ATP6V1E2: variants seen among roughly 807,000 people sequenced by gnomAD.
ATP6V1E2 encodes the protein ATPase H+ transporting V1 subunit E2, also known as V-type proton ATPase subunit E 2.
For synonymous variants in ATP6V1E2, 121 were observed against 104.2 expected (o/e 1.16, Z -0.98); for missense variants, 308 against 273.3 (o/e 1.13, Z -0.90).
intron 4 of ATP6V1E2, among the ~76,000 whole-genome samples, chr2:46,523,418 T>A (rs1426217913): frequency 1.3e-5 from 2 of 152,222 alleles, no homozygotes; most frequent in African/African-American, 4.8e-5. Flanking sequence ...TTACATAAGG[T>A]GTAAGGAAGG....
intron 4 of ATP6V1E2, among the ~76,000 whole-genome samples, chr2:46,518,653 T>C (rs1666431014): frequency 6.6e-6 from 1 of 152,150 alleles, no homozygotes; most frequent in Admixed American, 6.5e-5. Context: ...GAAAATTTAT[T>C]TGGGCCATCC....
chr2:46,539,094 C>T (rs1667591859), intron 2 of ATP6V1E2, among the ~76,000 whole-genome samples: 1 of 152,222 alleles, frequency 6.6e-6, no homozygotes, highest in Admixed American at 6.5e-5. Flanking sequence ...TCCAAGATTA[C>T]AGAGATTACA....
At chr2:46,533,829 G>A (rs1667308816) in intron 4 of ATP6V1E2, among the ~76,000 whole-genome samples, 1 of 152,078 alleles carries the variant, frequency 6.6e-6, no homozygotes, top group Admixed American at 6.6e-5. Context: ...TATTTCTGGT[G>A]GATATAGAAT....
At chr2:46,523,465 T>C (rs944150031) in intron 4 of ATP6V1E2, among the ~76,000 whole-genome samples, 1 of 152,236 alleles carries the variant, frequency 6.6e-6, no homozygotes, top group Non-Finnish European at 1.5e-5. Flanking sequence ...GCTAGTCAGT[T>C]TTCCCAGCAT....
At chr2:46,517,085 T>C (rs958612723) in intron 4 of ATP6V1E2, among the ~76,000 whole-genome samples, 1 of 152,204 alleles carries the variant, frequency 6.6e-6, no homozygotes, top group Non-Finnish European at 1.5e-5. Context: ...CTTCAACATA[T>C]ACTACGAAGT....
At chr2:46,522,529 A>G (rs1272432670) in intron 4 of ATP6V1E2, among the ~76,000 whole-genome samples, 1 of 152,136 alleles carries the variant, frequency 6.6e-6, no homozygotes, top group Non-Finnish European at 1.5e-5. Context: ...GCTGAGGATG[A>G]TGGCTTCCAG....
At position 46,512,384 on chromosome 2, in the gene ATP6V1E2, C is replaced by A; in HGVS notation, c.328G>T (p.Glu110Ter). The change falls in exon 5 of 5, where the codon GAG (glutamate) becomes TAG (stop). Residue 110 changes from glutamate to a stop codon, truncating the protein, a stop_gained. Coordinates refer to ENST00000522587, the MANE Select transcript of ATP6V1E2 (RefSeq NM_001318063.2). LOFTEE classifies it low-confidence loss of function (END_TRUNC). ...LRLSRIVEDP[E>*]VYQGLLDKLV... Reference sequence around the variant, plus strand: ...TTATCCAGCAGCCCCTGGTAGACCTCTGGGTCCTCCACAATCCTGCTGAGT... The same window carrying A: ...TTATCCAGCAGCCCCTGGTAGACCTATGGGTCCTCCACAATCCTGCTGAGT... 6.2e-7 allele frequency: 1 copy of A among 1,614,168 alleles called. No homozygotes were observed. The highest frequency in any genetic ancestry group is 1.3e-5 in the African/African-American group (1 of 75,028).
chr2:46,525,471 A>G (rs1259677910), intron 4 of ATP6V1E2, among the ~76,000 whole-genome samples: 1 of 125,900 alleles, frequency 7.9e-6, no homozygotes, highest in Non-Finnish European at 1.6e-5. Flanking sequence ...CAAAAAAAAA[A>G]AAAAAGAAAA....
chr2:46,523,384 C>A (rs971171871), intron 4 of ATP6V1E2, among the ~76,000 whole-genome samples: 2 of 152,138 alleles, frequency 1.3e-5, no homozygotes, highest in African/African-American at 2.4e-5. Context: ...ACATTTAAGT[C>A]TTTAATCCAT....
chr2:46,519,505 C>A (rs1259175216), intron 4 of ATP6V1E2: 1 of 152,314 alleles, frequency 6.6e-6, no homozygotes, highest in Non-Finnish European at 1.5e-5. Context: ...CCAGACAGGG[C>A]CTAATGGGCA....
chr2:46,528,683 A>G (rs1253186777), intron 4 of ATP6V1E2, among the ~76,000 whole-genome samples: 1 of 152,234 alleles, frequency 6.6e-6, no homozygotes, highest in Non-Finnish European at 1.5e-5. Flanking sequence ...TTCAGACCCC[A>G]GTCCTGATGC....
chr2:46,516,361 C>G (rs1687710266), intron 4 of ATP6V1E2, among the ~76,000 whole-genome samples: 1 of 152,172 alleles, frequency 6.6e-6, no homozygotes, highest in Non-Finnish European at 1.5e-5. Context: ...AACCGGAAAT[C>G]AATAGCTGAA....
At chr2:46,527,091 G>C (rs890745372) in intron 4 of ATP6V1E2, among the ~76,000 whole-genome samples, 2 of 152,076 alleles carry the variant, frequency 1.3e-5, no homozygotes, top group African/African-American at 4.8e-5. Context: ...TCTTGGCTCT[G>C]TTGCCCAGGT....
intron 4 of ATP6V1E2, among the ~76,000 whole-genome samples, chr2:46,533,754 T>C (rs1242162584): frequency 1.3e-5 from 2 of 152,206 alleles, no homozygotes; most frequent in Non-Finnish European, 2.9e-5. Context: ...GATCTTCTGG[T>C]TTAAAAAAAA....
Position 46,512,159 on chromosome 2 carries a change from T to C in ATP6V1E2, c.553A>G (p.Ser185Gly). ...GAAACCTTTATTCTCTGATTGCCAC[T>C]GTAGACCTCCACACCTCCAGCTGCA... ...VNAAGGVEVY[S>G]GNQRIKVSNT... Residue 185 changes from serine (S) to glycine (G), a missense_variant, in exon 5 of 5, where the codon AGT (serine) becomes GGT (glycine). By Grantham distance (56) the Ser-to-Gly change is moderately conservative. Transcript: ENST00000522587. 1 of 1,614,220 alleles carries C rather than the reference T, an allele frequency of 6.2e-7. No homozygotes were observed. Among genetic ancestry groups the C allele is most frequent in the Non-Finnish European group, 8.5e-7 (1 of 1,180,028 alleles).
chr2:46,525,341 A>G (rs1666849875), intron 4 of ATP6V1E2, among the ~76,000 whole-genome samples: 1 of 151,906 alleles, frequency 6.6e-6, no homozygotes, highest in Non-Finnish European at 1.5e-5. Flanking sequence ...GGGCGCCTGT[A>G]GTCCCAGCTA....
chr2:46,542,541 G>C lies in ATP6V1E2; in HGVS notation c.-698C>G, dbSNP rs1041149607. ...CCCTCGCAGGGAGTGGGGCTCGGGT[G>C]CGCCGGCAGGGCCGCGCGGCGGCAG... On this transcript the variant is annotated 5_prime_UTR_variant, in exon 1 of 5. Coordinates refer to ENST00000522587, the MANE Select transcript of ATP6V1E2 (RefSeq NM_001318063.2). 2.0e-5 allele frequency: 3 copies of C among 148,776 alleles called. No individual in the cohort carries two copies. Among genetic ancestry groups the C allele is most frequent in the African/African-American group, 7.3e-5 (3 of 41,068 alleles). 9.2% of individuals were successfully genotyped at this position (148,776 alleles called of 1,614,324 possible).
In ATP6V1E2 at chr2:46,542,526, G is replaced by A. The variant is rs376814749; in HGVS notation, c.-683C>T. Reference sequence around the variant, plus strand: ...CGCCCCTCCGCGCGGCCCTCGCAGGGAGTGGGGCTCGGGTGCGCCGGCAGG... The same window carrying A: ...CGCCCCTCCGCGCGGCCCTCGCAGGAAGTGGGGCTCGGGTGCGCCGGCAGG... On this transcript the variant is annotated 5_prime_UTR_variant, in exon 1 of 5. Transcript: ENST00000522587. 1 of 149,536 alleles carries A rather than the reference G, an allele frequency of 6.7e-6. No individual in the cohort carries two copies. Among genetic ancestry groups the A allele is most frequent in the South Asian group, 2.1e-4 (1 of 4,830 alleles). The allele number at this position is 149,536 out of a possible 1,614,324, so 9.3% of individuals were successfully genotyped here. A position where few individuals can be genotyped will look rare whatever the true frequency, so the allele number is the denominator to read the frequency against.
intron 4 of ATP6V1E2, among the ~76,000 whole-genome samples, chr2:46,515,484 G>A (rs1315666508): frequency 6.6e-6 from 1 of 151,974 alleles, no homozygotes; most frequent in East Asian, 1.9e-4. Flanking sequence ...TTACTACAAA[G>A]AAAATACCTT....
Sources: allele counts gnomAD v4.1 joint callset (sites outside exome capture counted in the v4.1 genomes callset), GRCh38; gene constraint gnomAD v4.1.1; transcripts MANE v1.5; gene names NCBI Gene and HGNC (gene_info 2026-07-23, HGNC 2026-07-21).